CACNA1D: variants seen among roughly 807,000 people sequenced by gnomAD.
CACNA1D encodes voltage-dependent L-type calcium channel subunit alpha-1D.
A neutral mutation model predicts 257.1 loss-of-function variants in CACNA1D; 55 were observed. The observed-to-expected ratio is 0.21, with a 90% CI of 0.17 to 0.27. The LOEUF is 0.27. CACNA1D is among the 10% of genes least tolerant of loss of function. The pLI is 1.00. For synonymous variants in CACNA1D, 980 were observed against 1,014.9 expected (o/e 0.97, Z 0.65); for missense variants, 1,876 against 2,784.0 (o/e 0.67, Z 7.34).
At chr3:53,732,150 C>A in intron 18 of CACNA1D, 68 bp downstream of exon 18, 1 of 1,253,518 alleles carries the variant, frequency 8.0e-7, no homozygotes, top group Non-Finnish European at 1.2e-6. Context: ...TGACCACCTG[C>A]CGAGTCTGCG....
At chr3:53,805,293 T>C in intron 45 of CACNA1D, 147 bp downstream of exon 45, 2 of 722,078 alleles carry the variant, frequency 2.8e-6, no homozygotes, top group Non-Finnish European at 4.8e-6. Flanking sequence ...AGAGAGTGTG[T>C]CTGCTTTCCT....
chr3:53,528,384 C>A (rs1233598292), intron 3 of CACNA1D, among the ~76,000 whole-genome samples: 1 of 152,122 alleles, frequency 6.6e-6, no homozygotes, highest in East Asian at 1.9e-4. Context: ...GTTCCATTGA[C>A]ACATTTGTCT....
intron 9 of CACNA1D, among the ~76,000 whole-genome samples, chr3:53,716,388 G>C (rs2094818375): frequency 1.3e-5 from 2 of 152,238 alleles, no homozygotes; most frequent in African/African-American, 4.8e-5. Flanking sequence ...CTCATGATCA[G>C]ATGTGAAAAG....
chr3:53,547,894 C>A (rs1346234787), intron 3 of CACNA1D, among the ~76,000 whole-genome samples: 1 of 152,216 alleles, frequency 6.6e-6, no homozygotes, highest in Non-Finnish European at 1.5e-5. Flanking sequence ...CAGAAGTTTT[C>A]TCCTGAGGAT....
intron 3 of CACNA1D, among the ~76,000 whole-genome samples, chr3:53,521,008 T>C (rs990221425): frequency 1.3e-5 from 2 of 151,680 alleles, no homozygotes; most frequent in Non-Finnish European, 2.9e-5. Flanking sequence ...TTCTTCTTTT[T>C]TTCTTTCTTT....
rs2094699939 is a variant in CACNA1D at position 53,707,251 on chromosome 3, T to C, written c.1390+4441T>C. Among the ~76,000 whole-genome samples, 7 of 152,142 alleles carry C rather than the reference T, an allele frequency of 4.6e-5. No individual in the cohort carries two copies. The South Asian group carries it at 1.5e-3, about 32-fold the overall frequency. On this transcript the variant is annotated intron_variant, in intron 9 of 47. Transcript: ENST00000350061. ...GGAGCTTGGATGCTTCTTGATGCCATACTCCACCCTCTAAGACTCTTGATT... is the reference window on the plus strand; with the variant it reads ...GGAGCTTGGATGCTTCTTGATGCCACACTCCACCCTCTAAGACTCTTGATT...
chr3:53,518,613 T>A (rs1296294696), intron 3 of CACNA1D, among the ~76,000 whole-genome samples: 2 of 152,218 alleles, frequency 1.3e-5, no homozygotes, highest in Non-Finnish European at 2.9e-5. Flanking sequence ...AACACTTGTC[T>A]TCAGAGCCAG....
chr3:53,729,276 T>G (rs2094964826), intron 15 of CACNA1D, among the ~76,000 whole-genome samples: 2 of 152,226 alleles, frequency 1.3e-5, no homozygotes, highest in South Asian at 4.1e-4. Flanking sequence ...TTTAAAACCT[T>G]GAATAGATTA....
intron 3 of CACNA1D, among the ~76,000 whole-genome samples, chr3:53,592,515 C>G (rs549524952): frequency 6.6e-6 from 1 of 152,284 alleles, no homozygotes; most frequent in African/African-American, 2.4e-5. Flanking sequence ...GGGACATTAT[C>G]TGATTTGTCT....
intron 3 of CACNA1D, among the ~76,000 whole-genome samples, chr3:53,505,901 G>C (rs1415262724): frequency 6.6e-6 from 1 of 152,182 alleles, no homozygotes; most frequent in Non-Finnish European, 1.5e-5. Flanking sequence ...AATGCTGCGG[G>C]ACAGTCTACT....
chr3:53,777,757 C>T (rs575096954), intron 37 of CACNA1D, among the ~76,000 whole-genome samples: 38 of 152,332 alleles, frequency 2.5e-4, no homozygotes, highest in African/African-American at 7.5e-4. Flanking sequence ...CCCAGTGCAA[C>T]GCAGTTCTGT....
At position 53,735,461 on chromosome 3, in the gene CACNA1D, G is replaced by C. The variant is rs1340015776; in HGVS notation, c.2709G>C (p.Leu903=). 1.3e-5 allele frequency: 21 copies of C among 1,613,788 alleles called. No homozygotes were observed. Among genetic ancestry groups the C allele is most frequent in the Non-Finnish European group, 1.7e-5 (20 of 1,179,846 alleles). The change falls in exon 20 of 48, where the codon CTG becomes CTC. Residue 903 remains leucine, a synonymous_variant. Transcript: ENST00000350061. ...LVFIMLSSAA[L]AAEDPIRSHS... ...TCATCATGCTGAGCAGCGCTGCCCTGGCCGCAGAGGACCCCATCCGCAGCC... is the reference window on the plus strand; with the variant it reads ...TCATCATGCTGAGCAGCGCTGCCCTCGCCGCAGAGGACCCCATCCGCAGCC...
chr3:53,643,925 C>G (rs1219602228), intron 3 of CACNA1D, among the ~76,000 whole-genome samples: 1 of 152,222 alleles, frequency 6.6e-6, no homozygotes. Flanking sequence ...TGTGCTGAGC[C>G]TTTCCCTGAC....
chr3:53,529,622 A>G (rs2091881327), intron 3 of CACNA1D, among the ~76,000 whole-genome samples: 1 of 152,192 alleles, frequency 6.6e-6, no homozygotes, highest in Non-Finnish European at 1.5e-5. Flanking sequence ...AGTTAGAATT[A>G]TTTTAATGAT....
chr3:53,730,988 G>T, intron 16 of CACNA1D, 89 bp from the exon 17 acceptor site: 1 of 809,332 alleles, frequency 1.2e-6, no homozygotes, highest in Non-Finnish European at 2.1e-6. Flanking sequence ...TCCTTCATTG[G>T]AGCATTATTG....
chr3:53,733,659 T>C (rs552812215), intron 19 of CACNA1D, among the ~76,000 whole-genome samples: 2 of 152,272 alleles, frequency 1.3e-5, no homozygotes, highest in African/African-American at 4.8e-5. Flanking sequence ...TTAAATCATC[T>C]GGGACTGAGT....
intron 46 of CACNA1D, 141 bp from the exon 47 acceptor site, chr3:53,809,837 T>G: frequency 2.6e-6 from 2 of 776,298 alleles, no homozygotes; most frequent in Non-Finnish European, 4.7e-6. Flanking sequence ...TCAGCGTACT[T>G]CAGTGTGCCC....
Position 53,559,760 on chromosome 3 carries a change from T to C in CACNA1D, c.483+58040T>C, listed in dbSNP as rs1003557. ...GCTTCCTTGGTTCCCTGATGTCCTC[T>C]TTTTGCTGTCCTCCAGCTAGAAAGC... is the stretch of plus-strand genomic sequence containing the variant. On this transcript the variant is annotated intron_variant, in intron 3 of 47. Transcript: ENST00000350061. Among the ~76,000 whole-genome samples, 1,307 of 152,338 alleles carry C rather than the reference T, an allele frequency of 8.6e-3. 94 individuals carry two copies. The South Asian group carries it at 0.16, about 19-fold the overall frequency.
At chr3:53,530,209 A>G (rs578250856) in intron 3 of CACNA1D, 1 of 152,338 alleles carries the variant, frequency 6.6e-6, no homozygotes, top group East Asian at 1.9e-4. Context: ...ATCGTTTATT[A>G]AATAAGCGGT....
Sources: gnomAD v4.1 joint callset for allele counts (sites outside exome capture counted in the v4.1 genomes callset) on GRCh38, gnomAD v4.1.1 for gene constraint, MANE v1.5 for transcripts, NCBI Gene and HGNC (gene_info 2026-07-23, HGNC 2026-07-21) for gene names.